Variants in SLC9A8 observed in about 807,000 individuals in gnomAD.
SLC9A8 encodes sodium/hydrogen exchanger 8.
Under a neutral mutation model 66.6 loss-of-function variants are expected in SLC9A8, and 48 were observed. That is an observed-to-expected ratio of 0.72 (90% CI 0.57 to 0.92). The LOEUF (loss-of-function observed/expected upper bound fraction) is 0.92. SLC9A8 is among the 40% of genes least tolerant of loss of function. The pLI is 0.00. For synonymous variants in SLC9A8, 274 were observed against 282.6 expected (o/e 0.97, Z 0.31); for missense variants, 599 against 747.3 (o/e 0.80, Z 2.31).
chr20:49,887,011 G>A lies in SLC9A8; in HGVS notation c.1638+113G>A, dbSNP rs1228204035. The stretch of plus-strand genomic sequence containing the variant: ...AGTGGGGAGGCAGGAAAGCTCACGT[G>A]GGCCCGCCAGGCCGCCGCCTCCCGA... On this transcript the variant is annotated intron_variant, in intron 15 of 15. Coordinates refer to ENST00000361573, the MANE Select transcript of SLC9A8 (RefSeq NM_015266.3). The A allele has an allele frequency of 6.6e-6, 8 of 1,213,930 alleles. No homozygotes were observed. In the African/African-American group the frequency reaches 1.2e-4, roughly 18 times the overall value. The allele number at this position is 1,213,930 out of a possible 1,614,324, so 75.2% of individuals were successfully genotyped here. A position where few individuals can be genotyped will look rare whatever the true frequency, so the allele number is the denominator to read the frequency against.
At chr20:49,822,544 G>A (rs1421539527) in intron 2 of SLC9A8, among the ~76,000 whole-genome samples, 2 of 152,204 alleles carry the variant, frequency 1.3e-5, no homozygotes, top group African/African-American at 2.4e-5. Flanking sequence ...CAGCACTTTG[G>A]GAGGCCAAGG....
At chr20:49,830,875 AC>A in intron 3 of SLC9A8, 1 of 1,381,708 alleles carries the variant, frequency 7.2e-7, no homozygotes, top group Non-Finnish European at 1.0e-6. Flanking sequence ...ATCTTCCTAG[AC>A]CAGAAGTGCC....
intron 3 of SLC9A8, among the ~76,000 whole-genome samples, chr20:49,831,394 A>G (rs1253734996): frequency 6.8e-6 from 1 of 146,398 alleles, no homozygotes; most frequent in Non-Finnish European, 1.5e-5. Flanking sequence ...ACACACAAAC[A>G]CACACACACT....
intron 7 of SLC9A8, among the ~76,000 whole-genome samples, chr20:49,855,128 C>T (rs1368118992): frequency 1.3e-5 from 2 of 152,108 alleles, no homozygotes; most frequent in South Asian, 4.2e-4. Flanking sequence ...TGCTCTGACC[C>T]GTGGAACTGG....
intron 14 of SLC9A8, chr20:49,884,274 G>GACACACATACACACGACACACAC: frequency 8.7e-6 from 1 of 115,012 alleles, no homozygotes; most frequent in Non-Finnish European, 1.6e-5. Flanking sequence ...ACACACACAC[G>GACACACATACACACGACACACAC]ACACACACAC....
intron 9 of SLC9A8, among the ~76,000 whole-genome samples, chr20:49,863,563 C>T (rs1267100471): frequency 6.6e-6 from 1 of 152,118 alleles, no homozygotes; most frequent in African/African-American, 2.4e-5. Flanking sequence ...CTAAAAAATA[C>T]ATAAATAAAA....
chr20:49,834,824 A>G (rs1217640587), intron 3 of SLC9A8, among the ~76,000 whole-genome samples: 3 of 152,190 alleles, frequency 2.0e-5, no homozygotes, highest in Non-Finnish European at 4.4e-5. Flanking sequence ...TTTGGTATAC[A>G]TTTAGAAGGG....
intron 12 of SLC9A8, among the ~76,000 whole-genome samples, chr20:49,879,602 A>G (rs914849830): frequency 6.6e-6 from 1 of 152,152 alleles, no homozygotes; most frequent in Non-Finnish European, 1.5e-5. Context: ...AGGCGGGTGG[A>G]TCACTTGAGG....
chr20:49,884,274 G>GACACACACACACACGACACAC lies in SLC9A8; in HGVS notation c.1491+223_1491+243dup, dbSNP rs2089780481. The GACACACACACACACGACACAC allele has an allele frequency of 3.2e-4, 38 of 120,558 alleles. 1 individual carries two copies. The African/African-American group carries it at 3.8e-3, about 12-fold the overall frequency. The allele number at this position is 120,558 out of a possible 1,614,324, so 7.5% of individuals were successfully genotyped here. On this transcript the variant is annotated intron_variant, in intron 14 of 15. Coordinates refer to ENST00000361573, the MANE Select transcript of SLC9A8 (RefSeq NM_015266.3). ...ACACACACACGACACACACACACACGACACACACACACACGACACACACAC... is the reference window on the plus strand; with the variant it reads ...ACACACACACGACACACACACACACGACACACACACACACGACACACACACACACACACACGACACACACAC...
chr20:49,818,952 T>G (rs2086645568), intron 2 of SLC9A8, among the ~76,000 whole-genome samples: 1 of 152,242 alleles, frequency 6.6e-6, no homozygotes, highest in Admixed American at 6.5e-5. Context: ...TTTGTTACTC[T>G]TTTAGTTAAT....
intron 10 of SLC9A8, among the ~76,000 whole-genome samples, chr20:49,873,272 CAG>C (rs966033038): frequency 3.3e-5 from 5 of 151,832 alleles, no homozygotes; most frequent in African/African-American, 9.7e-5. Context: ...TGCTTGAGCT[CAG>C]GGGTTTGAGA....
chr20:49,882,658 G>A (rs2089674050), intron 13 of SLC9A8, among the ~76,000 whole-genome samples: 1 of 152,176 alleles, frequency 6.6e-6, no homozygotes. Context: ...GGATGCCGTG[G>A]GGATGCTGTC....
At chr20:49,872,457 CTT>C (rs3067539) in intron 10 of SLC9A8, among the ~76,000 whole-genome samples, 37,662 of 146,752 alleles carry the variant, frequency 0.26, 4,900 homozygotes, top group Non-Finnish European at 0.3. Flanking sequence ...GATTTTCACC[CTT>C]TTTTTTTTTT....
intron 7 of SLC9A8, among the ~76,000 whole-genome samples, chr20:49,851,168 A>T (rs945605870): frequency 2.0e-5 from 3 of 152,190 alleles, no homozygotes; most frequent in Non-Finnish European, 4.4e-5. Flanking sequence ...TATTTACAAG[A>T]CTTTTCAGTC....
At chr20:49,830,628 A>G (rs2087136289) in intron 3 of SLC9A8, 1 of 619,888 alleles carries the variant, frequency 1.6e-6, no homozygotes, top group Non-Finnish European at 2.9e-6. Flanking sequence ...AATGTTGGTG[A>G]TCTTAGCAGC....
intron 15 of SLC9A8, among the ~76,000 whole-genome samples, chr20:49,887,529 G>A (rs1394393744): frequency 6.6e-6 from 1 of 152,164 alleles, no homozygotes; most frequent in Non-Finnish European, 1.5e-5. Flanking sequence ...AACCCCGCAA[G>A]GTCACAGCCA....
intron 14 of SLC9A8, 147 bp downstream of exon 14, chr20:49,884,213 CACACA>C (rs2089741528): frequency 2.9e-6 from 1 of 349,064 alleles, no homozygotes; most frequent in African/African-American, 5.1e-5. Context: ...CACACACACA[CACACA>C]CACACACACA....
chr20:49,865,553 G>A (rs2088927127), intron 10 of SLC9A8, among the ~76,000 whole-genome samples: 1 of 152,156 alleles, frequency 6.6e-6, no homozygotes, highest in Admixed American at 6.5e-5. Context: ...TTGGAGGAGG[G>A]CACACAGCTC....
chr20:49,880,344 C>A (rs551208752), intron 12 of SLC9A8, among the ~76,000 whole-genome samples: 1 of 151,874 alleles, frequency 6.6e-6, no homozygotes, highest in East Asian at 1.9e-4. Flanking sequence ...TGGAGAGGAA[C>A]CAAAAGCCAC....
Sources: allele counts gnomAD v4.1 joint callset (sites outside exome capture counted in the v4.1 genomes callset), GRCh38; gene constraint gnomAD v4.1.1; transcripts MANE v1.5; gene names NCBI Gene and HGNC (gene_info 2026-07-23, HGNC 2026-07-21).